Variants in OMG observed in about 807,000 individuals in gnomAD.
OMG encodes oligodendrocyte-myelin glycoprotein.
A neutral mutation model predicts 26.2 loss-of-function variants in OMG; 9 were observed. That is an observed-to-expected ratio of 0.34 (90% CI 0.21 to 0.60). The LOEUF (loss-of-function observed/expected upper bound fraction) is 0.60, where lower values mean the gene tolerates loss of function less well. Among genes scored for constraint, OMG ranks in the 20% least tolerant of loss-of-function variants. OMG has a pLI of 0.80. For synonymous variants in OMG, 179 were observed against 190.4 expected (o/e 0.94, Z 0.49); for missense variants, 402 against 513.6 (o/e 0.78, Z 2.10).
At chr17:31,296,560 C>T (rs1366186233) in intron 1 of OMG, 2 of 535,288 alleles carry the variant, frequency 3.7e-6, no homozygotes, top group East Asian at 3.2e-5. Flanking sequence ...TCCCTACTCT[C>T]TCCTGCATTT....
chr17:31,296,619 CTTAT>C (rs1026937971), intron 1 of OMG: 1 of 396,420 alleles, frequency 2.5e-6, no homozygotes, highest in African/African-American at 2.0e-5. Context: ...CATATTCTTT[CTTAT>C]TTATCTTTCT....
In OMG at chr17:31,295,038, G is replaced by A. The variant is rs766385460; in HGVS notation, c.1294C>T (p.Leu432Phe). The A allele has an allele frequency of 6.2e-7, 1 of 1,614,116 alleles. No individual in the cohort carries two copies. The highest frequency in any genetic ancestry group is 8.5e-7 in the Non-Finnish European group (1 of 1,179,990). Residue 432 changes from leucine (L) to phenylalanine (F), a missense_variant, in exon 2 of 2, where the codon CTC becomes TTC. By Grantham distance (22) the Leu-to-Phe change is conservative (BLOSUM62 0). This residue lies in a region of OMG where 247 missense variants were observed against 274.7 expected (regional missense o/e 0.90). Transcript: ENST00000247271. ...WKVNASFLLL[L>F]NVVVMLAV ...ACAGCCAGCATGACCACAACATTGA[G>A]CAATAAGAGAAATGAAGCATTTACT...
rs1172536810 is a variant in OMG at position 31,295,116 on chromosome 17, C to T, written c.1216G>A (p.Glu406Lys). 6.2e-7 allele frequency: 1 copy of T among 1,614,174 alleles called. No individual in the cohort carries two copies. Among genetic ancestry groups the T allele is most frequent in the Non-Finnish European group, 8.5e-7 (1 of 1,180,008 alleles). Residue 406 changes from glutamate (E) to lysine (K), a missense_variant, in exon 2 of 2, where the codon GAG (glutamate) becomes AAG (lysine). This residue lies in a region of OMG where 247 missense variants were observed against 274.7 expected (regional missense o/e 0.90). Transcript: ENST00000247271. Reference protein sequence around the residue: ...QSTTLNLWREETTTNVKTPLP... With the variant: ...QSTTLNLWREKTTTNVKTPLP... ...GGAGTCTTTACATTTGTGGTTGTCTCTTCCCTCCATAAGTTAAGGGTTGTG... is the reference window on the plus strand; with the variant it reads ...GGAGTCTTTACATTTGTGGTTGTCTTTTCCCTCCATAAGTTAAGGGTTGTG...
Position 31,295,698 on chromosome 17 carries a change from C to G in OMG, c.634G>C (p.Asp212His). ...ATCTCTTGCAACTGAAAGAGTTGGT[C>G]AAAAGATTGGTCTGGAATGAATGTG... ...KFTFIPDQSF[D>H]QLFQLQEITL... Residue 212 changes from aspartate (D) to histidine (H), a missense_variant, in exon 2 of 2, where the codon GAC becomes CAC. Physicochemically the swap from Asp to His is moderately conservative, Grantham distance 81 (BLOSUM62 -1). Coordinates refer to ENST00000247271, the MANE Select transcript of OMG (RefSeq NM_002544.5). 1 of 1,614,028 alleles carries G rather than the reference C, an allele frequency of 6.2e-7. No homozygotes were observed. Among genetic ancestry groups the G allele is most frequent in the South Asian group, 1.1e-5 (1 of 91,046 alleles).
In OMG at chr17:31,294,685, G is replaced by C. The variant is rs2068423120; in HGVS notation, c.*324C>G. The C allele has an allele frequency of 8.2e-6, 3 of 367,876 alleles. No homozygotes were observed. The Admixed American group carries it at 1.2e-4, about 15-fold the overall frequency. 22.8% of individuals were successfully genotyped at this position (367,876 alleles called of 1,614,324 possible). A position where few individuals can be genotyped will look rare whatever the true frequency, so the allele number is the denominator to read the frequency against. On this transcript the variant is annotated 3_prime_UTR_variant, in exon 2 of 2. Transcript: ENST00000247271. ...CCTTTTATTTTCCAGATGTTTGACA[G>C]TGTAAACATACATAAAATACATATT...
chr17:31,295,235 C>G lies in OMG; in HGVS notation c.1097G>C (p.Ser366Thr). ...HLQDGMVTNT[S>T]LTSSTKSSPT... ...GGATGATTTTGTTGAGCTAGTGAGG[C>G]TTGTGTTTGTGACCATTCCATCTTG... The change falls in exon 2 of 2, where the codon AGC (serine) becomes ACC (threonine). Residue 366 changes from serine (S) to threonine (T), a missense_variant. Physicochemically the swap from Ser to Thr is moderately conservative, Grantham distance 58 (BLOSUM62 1). This residue lies in a region of OMG where 247 missense variants were observed against 274.7 expected (regional missense o/e 0.90). Transcript: ENST00000247271. The G allele has an allele frequency of 6.2e-7, 1 of 1,613,962 alleles. No homozygotes were observed.
At position 31,295,553 on chromosome 17, in the gene OMG, G is replaced by T; in HGVS notation, c.779C>A (p.Ser260Tyr). The T allele has an allele frequency of 6.2e-7, 1 of 1,614,082 alleles. No individual in the cohort carries two copies. Among genetic ancestry groups the T allele is most frequent in the Non-Finnish European group, 8.5e-7 (1 of 1,179,960 alleles). The change falls in exon 2 of 2, where the codon TCT becomes TAT. Residue 260 changes from serine to tyrosine, a missense_variant. By Grantham distance (144) the Ser-to-Tyr change is moderately radical. Transcript: ENST00000247271. Reference protein sequence around the residue: ...IGTPCSTQISSLKEHNMYPTP... With the variant: ...IGTPCSTQISYLKEHNMYPTP... ...GGGATACATGTTATGTTCCTTTAAA[G>T]ATGATATTTGGGTAGAACATGGAGT...
chr17:31,295,683 A>C lies in OMG; in HGVS notation c.649T>G (p.Leu217Val). ...PDQSFDQLFQ[L>V]QEITLYNNRW... ...TTATTGTAAAGGGTTATCTCTTGCA[A>C]CTGAAAGAGTTGGTCAAAAGATTGG... Residue 217 changes from leucine (L) to valine (V), a missense_variant, in exon 2 of 2, where the codon TTG (leucine) becomes GTG (valine). Physicochemically the swap from Leu to Val is conservative, Grantham distance 32 (BLOSUM62 1). This residue lies in a region of OMG where 247 missense variants were observed against 274.7 expected (regional missense o/e 0.90). Transcript: ENST00000247271. 1 of 1,614,100 alleles carries C rather than the reference A, an allele frequency of 6.2e-7. No homozygotes were observed. Among genetic ancestry groups the C allele is most frequent in the South Asian group, 1.1e-5 (1 of 91,084 alleles).
At position 31,295,619 on chromosome 17, in the gene OMG, A is replaced by G. The variant is rs1390050232; in HGVS notation, c.713T>C (p.Leu238Ser). 3.7e-6 allele frequency: 6 copies of G among 1,614,054 alleles called. No individual in the cohort carries two copies. In the Admixed American group the frequency reaches 6.7e-5, roughly 18 times the overall value. The change falls in exon 2 of 2, where the codon TTA becomes TCA. Residue 238 changes from leucine to serine, a missense_variant. By Grantham distance (145) the Leu-to-Ser change is moderately radical. Coordinates refer to ENST00000247271, the MANE Select transcript of OMG (RefSeq NM_002544.5). ...SCDHKQNITY[L>S]LKWMMETKAH... is the part of the protein sequence containing the mutation. ...TTTTGTTTCCATCATCCACTTCAGTAAGTAAGTAATGTTTTGTTTGTGGTC... is the reference window on the plus strand; with the variant it reads ...TTTTGTTTCCATCATCCACTTCAGTGAGTAAGTAATGTTTTGTTTGTGGTC...
In OMG at chr17:31,295,633, T is replaced by G. The variant is rs772868797; in HGVS notation, c.699A>C (p.Gln233His). ...TCCACTTCAGTAAGTAAGTAATGTT[T>G]TGTTTGTGGTCACATGACCACCTGT... ...YNNRWSCDHK[Q>H]NITYLLKWMM... The change falls in exon 2 of 2, where the codon CAA becomes CAC. Residue 233 changes from glutamine to histidine, a missense_variant. Around this residue, in one of 3 missense-constraint regions of OMG, gnomAD observed 247 missense variants for 274.7 expected, o/e 0.90. Transcript: ENST00000247271. The G allele has an allele frequency of 2.5e-6, 4 of 1,614,046 alleles. No individual in the cohort carries two copies. In the African/African-American group the frequency reaches 4.0e-5, roughly 16 times the overall value.
chr17:31,296,165 T>C lies in OMG; in HGVS notation c.167A>G (p.Asn56Ser). 2 of 1,612,500 alleles carry C rather than the reference T, an allele frequency of 1.2e-6. No individual in the cohort carries two copies. Among genetic ancestry groups the C allele is most frequent in the Non-Finnish European group, 1.7e-6 (2 of 1,178,952 alleles). The change falls in exon 2 of 2, where the codon AAT becomes AGT. Residue 56 changes from asparagine to serine, a missense_variant. Around this residue, in one of 3 missense-constraint regions of OMG, gnomAD observed 65 missense variants for 80.0 expected, o/e 0.81. Transcript: ENST00000247271. Reference sequence around the variant, plus strand: ...ATAAGACAGGTTTAAATGTATAATATTCTCTTGCAGTCCAGATGGTAATGT... The same window carrying C: ...ATAAGACAGGTTTAAATGTATAATACTCTCTTGCAGTCCAGATGGTAATGT... The part of the protein sequence containing the change: ...LSTLPSGLQE[N>S]IIHLNLSYNH...
intron 1 of OMG, 156 bp from the exon 2 acceptor site, chr17:31,296,493 A>G (rs1297621663): frequency 1.7e-5 from 12 of 710,336 alleles, no homozygotes; most frequent in South Asian, 1.4e-4. Context: ...GCTCCCCTTC[A>G]TTTATAGTCC....
chr17:31,296,046 G>C lies in OMG; in HGVS notation c.286C>G (p.His96Asp). The change falls in exon 2 of 2, where the codon CAC (histidine) becomes GAC (aspartate). Residue 96 changes from histidine (H) to aspartate (D), a missense_variant. Coordinates refer to ENST00000247271, the MANE Select transcript of OMG (RefSeq NM_002544.5). Reference protein sequence around the residue: ...SNNRLESLPAHLPRSLWNMSA... With the variant: ...SNNRLESLPADLPRSLWNMSA... ...ATGTTCCACAGAGACCGAGGTAAGT[G>C]AGCAGGCAGGCTTTCAAGCCTGTTG... 6.2e-7 allele frequency: 1 copy of C among 1,614,064 alleles called. No homozygotes were observed. The highest frequency in any genetic ancestry group is 8.5e-7 in the Non-Finnish European group (1 of 1,179,986).
In OMG at chr17:31,295,248, C is replaced by T. The variant is rs779223134; in HGVS notation, c.1084G>A (p.Val362Ile). ...TLTIHLQDGM[V>I]TNTSLTSSTK... ...GAGCTAGTGAGGCTTGTGTTTGTGA[C>T]CATTCCATCTTGGAGATGAATAGTT... Residue 362 changes from valine to isoleucine, a missense_variant, in exon 2 of 2, where the codon GTC (valine) becomes ATC (isoleucine). By Grantham distance (29) the Val-to-Ile change is conservative. Coordinates refer to ENST00000247271, the MANE Select transcript of OMG (RefSeq NM_002544.5). 8 of 1,613,912 alleles carry T rather than the reference C, an allele frequency of 5.0e-6. No homozygotes were observed. The South Asian group carries it at 8.8e-5, about 18-fold the overall frequency.
chr17:31,295,914 G>A lies in OMG; in HGVS notation c.418C>T (p.Leu140Phe), dbSNP rs1371715493. 1 of 1,613,946 alleles carries A rather than the reference G, an allele frequency of 6.2e-7. No individual in the cohort carries two copies. The change falls in exon 2 of 2, where the codon CTC (leucine) becomes TTC (phenylalanine). Residue 140 changes from leucine to phenylalanine, a missense_variant. Physicochemically the swap from Leu to Phe is conservative, Grantham distance 22. Around this residue, in one of 3 missense-constraint regions of OMG, gnomAD observed 90 missense variants for 158.9 expected, o/e 0.57. Transcript: ENST00000247271. ...AGACTTCTTAGTGTATTTTTAATGA[G>A]GACAACCTTTTCCAGCATGTTCTTA... ...VSKNMLEKVVLIKNTLRSLEV... is the reference protein window; with the variant it reads ...VSKNMLEKVVFIKNTLRSLEV...
intron 1 of OMG, 139 bp from the exon 2 acceptor site, chr17:31,296,476 TAACA>T (rs2068467664): frequency 3.8e-6 from 3 of 785,924 alleles, no homozygotes; most frequent in Admixed American, 1.8e-5. Flanking sequence ...GTGATTAAAC[TAACA>T]AAGCTCCCCT....
Position 31,295,554 on chromosome 17 carries a change from A to G in OMG, c.778T>C (p.Ser260Pro). 6.2e-7 allele frequency: 1 copy of G among 1,614,092 alleles called. No homozygotes were observed. Among genetic ancestry groups the G allele is most frequent in the Admixed American group, 1.7e-5 (1 of 60,016 alleles). Residue 260 changes from serine (S) to proline (P), a missense_variant, in exon 2 of 2, where the codon TCT (serine) becomes CCT (proline). Transcript: ENST00000247271. ...GGATACATGTTATGTTCCTTTAAAGATGATATTTGGGTAGAACATGGAGTC... is the reference window on the plus strand; with the variant it reads ...GGATACATGTTATGTTCCTTTAAAGGTGATATTTGGGTAGAACATGGAGTC... ...IGTPCSTQISSLKEHNMYPTP... is the reference protein window; with the variant it reads ...IGTPCSTQISPLKEHNMYPTP...
In OMG at chr17:31,296,078, A is replaced by G; in HGVS notation, c.254T>C (p.Ile85Thr). Residue 85 changes from isoleucine to threonine, a missense_variant, in exon 2 of 2, where the codon ATT (isoleucine) becomes ACT (threonine). This residue lies in a region of OMG where 90 missense variants were observed against 158.9 expected (regional missense o/e 0.57). Coordinates refer to ENST00000247271, the MANE Select transcript of OMG (RefSeq NM_002544.5). ...TQYTNLRTLD[I>T]SNNRLESLPA... ...CAGGCTTTCAAGCCTGTTGTTTGAA[A>G]TGTCCAGGGTCCTCAGATTGGTATA... 1.2e-6 allele frequency: 2 copies of G among 1,613,818 alleles called. No homozygotes were observed. The highest frequency in any genetic ancestry group is 1.7e-6 in the Non-Finnish European group (2 of 1,179,894).
intron 1 of OMG, chr17:31,296,620 T>G (rs1416899303): frequency 2.5e-6 from 1 of 394,520 alleles, no homozygotes. Flanking sequence ...ATATTCTTTC[T>G]TATTTATCTT....
Sources: gnomAD v4.1 joint callset for allele counts on GRCh38, gnomAD v4.1.1 for gene constraint, gnomAD v4.1.1 regional missense constraint, MANE v1.5 for transcripts, NCBI Gene and HGNC (gene_info 2026-07-23, HGNC 2026-07-21) for gene names.